Variants in DIP2A observed in about 807,000 individuals in gnomAD.
DIP2A encodes the protein disco-interacting protein 2 homolog A.
DIP2A carries 85 observed loss-of-function variants against 177.4 expected under a neutral mutation model. That is an observed-to-expected ratio of 0.48 (90% CI 0.40 to 0.57). DIP2A has a LOEUF of 0.57. Among genes scored for constraint, DIP2A ranks in the 20% least tolerant of loss-of-function variants. The pLI is 0.00. For synonymous variants in DIP2A, 886 were observed against 881.8 expected (o/e 1.00, Z -0.08); for missense variants, 1,791 against 2,100.2 (o/e 0.85, Z 2.88).
intron 28 of DIP2A, 89 bp downstream of exon 28, chr21:46,555,022 G>A (rs887879462): frequency 2.2e-5 from 30 of 1,344,098 alleles, no homozygotes; most frequent in Admixed American, 1.6e-4. Context: ...AAAAACACAC[G>A]TGAGGCAAGA....
chr21:46,464,210 A>G (rs1215883044), intron 1 of DIP2A, among the ~76,000 whole-genome samples: 2 of 151,648 alleles, frequency 1.3e-5, no homozygotes, highest in Non-Finnish European at 2.9e-5. Context: ...CCTGACCAAC[A>G]TGGTGAAACC....
rs1555858071 is a variant in DIP2A at position 46,463,680 on chromosome 21, T to TTTTGTGTGTG, written c.91+4459_91+4460insTTGTGTGTGT. On this transcript the variant is annotated intron_variant, in intron 1 of 37. Transcript: ENST00000417564. ...TTAATTTCTAAAATCTGGGATATAT[T>TTTTGTGTGTG]TGTGTGTGTGTGTGTGTGTGTGTGT... Among the ~76,000 whole-genome samples, 8 of 131,040 alleles carry TTTTGTGTGTG rather than the reference T, an allele frequency of 6.1e-5. No homozygotes were observed. In the East Asian group the frequency reaches 1.5e-3, roughly 24 times the overall value. The allele number at this position is 131,040 out of a possible 152,430, so 86.0% of individuals were successfully genotyped here. A position where few individuals can be genotyped will look rare whatever the true frequency, so the allele number is the denominator to read the frequency against.
At position 46,497,102 on chromosome 21, in the gene DIP2A, C is replaced by T; in HGVS notation, c.398C>T (p.Pro133Leu). ...CATTCGTCTGTGGAAACCTACACCC[C>T]TCCAGGTATTGATAAACAATGTCAA... ...LVHSSVETYTPPDTSSASEDE... is the reference protein window; with the variant it reads ...LVHSSVETYTLPDTSSASEDE... Residue 133 changes from proline (P) to leucine (L), a missense_variant, in exon 4 of 38, where the codon CCT becomes CTT. Coordinates refer to ENST00000417564, the MANE Select transcript of DIP2A (RefSeq NM_015151.4). 1.2e-6 allele frequency: 2 copies of T among 1,608,972 alleles called. No individual in the cohort carries two copies. Among genetic ancestry groups the T allele is most frequent in the South Asian group, 1.1e-5 (1 of 90,512 alleles).
intron 9 of DIP2A, among the ~76,000 whole-genome samples, chr21:46,529,573 C>G (rs1269062806): frequency 6.6e-6 from 1 of 151,500 alleles, no homozygotes; most frequent in African/African-American, 2.4e-5. Context: ...TGCACTCCAG[C>G]CTGGCGACAG....
intron 13 of DIP2A, among the ~76,000 whole-genome samples, chr21:46,536,535 A>G (rs1462264631): frequency 6.6e-6 from 1 of 152,210 alleles, no homozygotes; most frequent in Non-Finnish European, 1.5e-5. Flanking sequence ...GTTGAGAAGT[A>G]AGAATATCCC....
intron 8 of DIP2A, among the ~76,000 whole-genome samples, chr21:46,517,817 C>A (rs1340836050): frequency 6.6e-6 from 1 of 152,222 alleles, no homozygotes; most frequent in Admixed American, 6.5e-5. Flanking sequence ...GATACTCAGC[C>A]CCCCGTGGGG....
At chr21:46,566,747 C>A in intron 37 of DIP2A, 64 bp downstream of exon 37, 2 of 1,600,544 alleles carry the variant, frequency 1.2e-6, no homozygotes, top group Non-Finnish European at 1.7e-6. Context: ...GGCATGAGTG[C>A]TGTGCATCGG....
At chr21:46,483,519 G>A (rs953061915) in intron 1 of DIP2A, among the ~76,000 whole-genome samples, 4 of 152,200 alleles carry the variant, frequency 2.6e-5, no homozygotes, top group Non-Finnish European at 5.9e-5. Flanking sequence ...GGGAGGTTGT[G>A]GTAGGCTGGT....
Position 46,541,790 on chromosome 21 carries a change from G to A in DIP2A, c.2071G>A (p.Ala691Thr), listed in dbSNP as rs753754692. The change falls in exon 18 of 38, where the codon GCA becomes ACA. Residue 691 changes from alanine (A) to threonine (T), a missense_variant. Transcript: ENST00000417564. ...PDLGGPPPRKAVLSMNGLSYG... is the reference protein window; with the variant it reads ...PDLGGPPPRKTVLSMNGLSYG... ...TCTGGGAGGACCACCTCCAAGAAAA[G>A]CAGTCCTGTCGATGAACGGTCTAAG... 1.2e-6 allele frequency: 2 copies of A among 1,613,986 alleles called. No individual in the cohort carries two copies. The highest frequency in any genetic ancestry group is 1.7e-6 in the Non-Finnish European group (2 of 1,179,890).
chr21:46,495,240 T>TCTCTCTCTCTCTCTCTCTCTC (rs60545868), intron 3 of DIP2A, among the ~76,000 whole-genome samples: 2 of 47,892 alleles, frequency 4.2e-5, no homozygotes, highest in Non-Finnish European at 7.4e-5. Context: ...TTCTCTTCTC[T>TCTCTCTCTCTCTCTCTCTCTC]TCTTTCTCTC....
At chr21:46,514,802 T>A (rs942418676) in intron 8 of DIP2A, among the ~76,000 whole-genome samples, 28 of 152,200 alleles carry the variant, frequency 1.8e-4, no homozygotes, top group Middle Eastern at 3.4e-3. Flanking sequence ...TGGTAGAAAC[T>A]GTCAGATTAA....
At chr21:46,474,611 T>C (rs532437443) in intron 1 of DIP2A, among the ~76,000 whole-genome samples, 1 of 152,246 alleles carries the variant, frequency 6.6e-6, no homozygotes, top group South Asian at 2.1e-4. Context: ...TCAAATCTCA[T>C]TGAAATGGTT....
intron 33 of DIP2A, chr21:46,561,232 T>A (rs1280604572): frequency 3.6e-6 from 1 of 276,384 alleles, no homozygotes; most frequent in African/African-American, 2.2e-5. Context: ...TAGGGACAGA[T>A]AGAAGACAAG....
At chr21:46,477,842 C>T (rs1442216562) in intron 1 of DIP2A, among the ~76,000 whole-genome samples, 1 of 151,936 alleles carries the variant, frequency 6.6e-6, no homozygotes, top group African/African-American at 2.4e-5. Context: ...CCTTGGCCTC[C>T]CAAAGTGTTG....
chr21:46,538,414 G>A (rs892903527), intron 15 of DIP2A, 69 bp from the exon 16 acceptor site: 5 of 1,513,694 alleles, frequency 3.3e-6, no homozygotes, highest in African/African-American at 1.4e-5. Context: ...TGAGGTACAC[G>A]TGTCTGTAGG....
chr21:46,505,618 T>A (rs1396565434), intron 6 of DIP2A, among the ~76,000 whole-genome samples: 1 of 152,038 alleles, frequency 6.6e-6, no homozygotes, highest in Non-Finnish European at 1.5e-5. Context: ...TCAAAAGTTT[T>A]AAGACATTTG....
chr21:46,459,752 G>C (rs751930182), intron 1 of DIP2A, among the ~76,000 whole-genome samples: 7 of 151,196 alleles, frequency 4.6e-5, no homozygotes, highest in Non-Finnish European at 1.0e-4. Flanking sequence ...CTTCACACCT[G>C]GGACCCTTAC....
intron 1 of DIP2A, among the ~76,000 whole-genome samples, chr21:46,476,650 CTATTT>C (rs1265348133): frequency 7.0e-6 from 1 of 142,170 alleles, no homozygotes; most frequent in African/African-American, 2.5e-5. Flanking sequence ...TAGCATCACT[CTATTT>C]TTTTTTTTTT....
intron 1 of DIP2A, among the ~76,000 whole-genome samples, chr21:46,471,155 T>G (rs180914695): frequency 1.7e-4 from 26 of 152,206 alleles, no homozygotes; most frequent in East Asian, 1.2e-3. Context: ...CGCTTTAGCC[T>G]CCCAAGTAGT....
Sources: gnomAD v4.1 joint callset for allele counts (sites outside exome capture counted in the v4.1 genomes callset) on GRCh38, gnomAD v4.1.1 for gene constraint, MANE v1.5 for transcripts, NCBI Gene and HGNC (gene_info 2026-07-23, HGNC 2026-07-21) for gene names.